PKD1L1: variants seen among roughly 807,000 people sequenced by gnomAD.
The protein encoded by PKD1L1 is polycystin-1-like protein 1.
Under a neutral mutation model 323.4 loss-of-function variants are expected in PKD1L1, and 236 were observed. The ratio of observed to expected loss-of-function variants is 0.73; its 90% CI spans 0.66 to 0.81. The LOEUF (loss-of-function observed/expected upper bound fraction) is 0.81, where lower values mean the gene tolerates loss of function less well. PKD1L1 is among the 40% of genes least tolerant of loss of function. The pLI is 0.00. For synonymous variants in PKD1L1, 1,344 were observed against 1,335.0 expected (o/e 1.01, Z -0.15); for missense variants, 3,320 against 3,508.0 (o/e 0.95, Z 1.35).
rs367654359 is a variant in PKD1L1, at chr7:47,834,342, G to T, written c.6171C>A (p.Arg2057=). ...WGRIPDAQEP[R]KQPASAILSG... ...CTGCGCATAATGATTGATTTACCTT[G>T]CGTGGCTCCTGTGCGTCTGGTATCC... Residue 2057 remains arginine, a synonymous_variant, in exon 40 of 57, where the codon CGC becomes CGA. Transcript: ENST00000289672. 26 of 1,613,570 alleles carry T rather than the reference G, an allele frequency of 1.6e-5. No individual in the cohort carries two copies. In the East Asian group the frequency reaches 4.0e-4, roughly 25 times the overall value.
chr7:47,871,223 AAATC>A (rs1786275100), intron 24 of PKD1L1, among the ~76,000 whole-genome samples: 1 of 149,304 alleles, frequency 6.7e-6, no homozygotes. Flanking sequence ...CAACATCTGA[AAATC>A]AATCAATTTT....
intron 51 of PKD1L1, among the ~76,000 whole-genome samples, chr7:47,808,601 G>A (rs1784831180): frequency 6.6e-6 from 1 of 152,318 alleles, no homozygotes; most frequent in African/African-American, 2.4e-5. Flanking sequence ...GGCTATATGA[G>A]ACAGCCTATT....
intron 4 of PKD1L1, among the ~76,000 whole-genome samples, chr7:47,933,083 A>G (rs934741693): frequency 6.6e-6 from 1 of 152,200 alleles, no homozygotes; most frequent in Non-Finnish European, 1.5e-5. Context: ...AAAAAGAAAC[A>G]TTTTATCTGA....
intron 6 of PKD1L1, 76 bp from the exon 7 acceptor site, chr7:47,929,602 T>G: frequency 7.3e-7 from 1 of 1,373,588 alleles, no homozygotes. Context: ...CCAAGCAGCC[T>G]GGCCTGGGTC....
chr7:47,783,108 C>T (rs1394579812), intron 56 of PKD1L1, among the ~76,000 whole-genome samples: 1 of 152,100 alleles, frequency 6.6e-6, no homozygotes, highest in East Asian at 1.9e-4. Flanking sequence ...CTTAGAAAGC[C>T]ATTGGGAGTA....
At chr7:47,915,167 G>T (rs1787401179) in intron 8 of PKD1L1, among the ~76,000 whole-genome samples, 1 of 152,200 alleles carries the variant, frequency 6.6e-6, no homozygotes, top group African/African-American at 2.4e-5. Context: ...TCCTCTAAAT[G>T]ATCAGTCCCC....
rs375133399 is a variant in PKD1L1 at position 47,808,346 on chromosome 7, G to T, written c.7728C>A (p.Ser2576=). The T allele has an allele frequency of 6.1e-5, 98 of 1,613,994 alleles. No individual in the cohort carries two copies. The highest frequency in any genetic ancestry group is 8.0e-5 in the Non-Finnish European group (94 of 1,180,034). Reference sequence around the variant, plus strand: ...CTCCAGCAAGAGTAACAAGGTGGCCGGAAACTGCATAGTAGGTGAGGCTCA... The same window carrying T: ...CTCCAGCAAGAGTAACAAGGTGGCCTGAAACTGCATAGTAGGTGAGGCTCA... ...VGVSLTYYAV[S]GHLVTLAGDV... is the part of the protein sequence containing the mutation. The change falls in exon 52 of 57, where the codon TCC becomes TCA. Residue 2576 remains serine (S), a synonymous_variant. Coordinates refer to ENST00000289672, the MANE Select transcript of PKD1L1 (RefSeq NM_138295.5).
intron 7 of PKD1L1, among the ~76,000 whole-genome samples, chr7:47,921,578 A>G (rs557540866): frequency 9.3e-4 from 142 of 152,322 alleles, no homozygotes; most frequent in Middle Eastern, 6.8e-3. Context: ...AGATACTTGC[A>G]CATGCATATT....
intron 15 of PKD1L1, 71 bp from the exon 16 acceptor site, chr7:47,890,834 A>G: frequency 1.4e-6 from 2 of 1,399,772 alleles, no homozygotes; most frequent in South Asian, 2.4e-5. Flanking sequence ...GTGTCACTGC[A>G]CGGGTTTTCC....
At chr7:47,802,589 T>C (rs1301414504) in intron 53 of PKD1L1, among the ~76,000 whole-genome samples, 5 of 152,212 alleles carry the variant, frequency 3.3e-5, no homozygotes, top group African/African-American at 1.2e-4. Context: ...GGCCTAGACT[T>C]TCCCTCAGCC....
At chr7:47,879,588 G>T (rs1474850411) in intron 21 of PKD1L1, among the ~76,000 whole-genome samples, 1 of 144,612 alleles carries the variant, frequency 6.9e-6, no homozygotes, top group Non-Finnish European at 1.5e-5. Flanking sequence ...AGCTGAGACC[G>T]TGCCTCTGCA....
intron 56 of PKD1L1, among the ~76,000 whole-genome samples, chr7:47,776,954 C>A (rs1321991563): frequency 2.0e-5 from 3 of 151,948 alleles, no homozygotes; most frequent in African/African-American, 7.3e-5. Context: ...TGTAGTGGTG[C>A]AATCTTGGGT....
At chr7:47,882,192 G>C (rs1786572892) in intron 19 of PKD1L1, 107 bp from the exon 20 acceptor site, 23 of 1,122,432 alleles carry the variant, frequency 2.0e-5, no homozygotes, top group Non-Finnish European at 3.0e-5. Flanking sequence ...ACTATTGCTG[G>C]ATACCGCCTA....
rs778542553 is a variant in PKD1L1 at position 47,890,592 on chromosome 7, G to A, written c.2625C>T (p.Asn875=). Residue 875 remains asparagine, a synonymous_variant, in exon 16 of 57, where the codon AAC becomes AAT. Coordinates refer to ENST00000289672, the MANE Select transcript of PKD1L1 (RefSeq NM_138295.5). ...VMLRVSSGGR[N]SSETRVFLSP... is the part of the protein sequence containing the mutation. ...ACAGGAACACCCGGGTCTCAGAAGA[G>A]TTCCGGCCACCACTGGAGACCCTCA... 1 of 1,614,046 alleles carries A rather than the reference G, an allele frequency of 6.2e-7. No homozygotes were observed. The highest frequency in any genetic ancestry group is 1.3e-5 in the African/African-American group (1 of 74,916).
intron 25 of PKD1L1, 113 bp downstream of exon 25, chr7:47,866,306 T>G (rs1278120874): frequency 8.6e-7 from 1 of 1,169,294 alleles, no homozygotes; most frequent in Admixed American, 2.5e-5. Flanking sequence ...CTTGGTCTCA[T>G]TTCTTGCCTG....
chr7:47,921,104 C>G (rs1377264255), intron 7 of PKD1L1, among the ~76,000 whole-genome samples: 1 of 151,960 alleles, frequency 6.6e-6, no homozygotes, highest in East Asian at 1.9e-4. Context: ...ACTAAACAGA[C>G]AACCCACAGA....
At chr7:47,781,597 G>C (rs1040531472) in intron 56 of PKD1L1, among the ~76,000 whole-genome samples, 1 of 151,624 alleles carries the variant, frequency 6.6e-6, no homozygotes, top group African/African-American at 2.4e-5. Context: ...TTTTAGTAGA[G>C]ACGGGGTTTC....
intron 23 of PKD1L1, 128 bp from the exon 24 acceptor site, chr7:47,874,138 G>A (rs1012235251): frequency 3.4e-5 from 21 of 616,406 alleles, no homozygotes; most frequent in Non-Finnish European, 4.6e-5. Context: ...GCCAGGCTCC[G>A]AGCCACAGGG....
At chr7:47,811,150 CCTT>C (rs201513513) in intron 50 of PKD1L1, among the ~76,000 whole-genome samples, 19,955 of 138,530 alleles carry the variant, frequency 0.14, 1,502 homozygotes, top group African/African-American at 0.21. Flanking sequence ...GTAAATGTCT[CCTT>C]CTTTTTTTTT....
Sources: allele counts gnomAD v4.1 joint callset (sites outside exome capture counted in the v4.1 genomes callset), GRCh38; gene constraint gnomAD v4.1.1; transcripts MANE v1.5; gene names NCBI Gene and HGNC (gene_info 2026-07-23, HGNC 2026-07-21).